The following CDH13 variants were observed in gnomAD, a reference collection of about 807,000 sequenced individuals.
The protein encoded by CDH13 is cadherin 13.
CDH13 carries 24 observed loss-of-function variants against 63.8 expected under a neutral mutation model. That is an observed-to-expected ratio of 0.38 (90% CI 0.27 to 0.53). The LOEUF is 0.53. Ranked by LOEUF, CDH13 falls within the 20% of genes least tolerant of loss-of-function variation. CDH13 has a pLI of 0.85. For synonymous variants in CDH13, 503 were observed against 355.3 expected, an observed-to-expected ratio of 1.42 and a Z score of -4.67; for missense variants, 1,049 against 903.1, an observed-to-expected ratio of 1.16 and a Z score of -2.07.
At chr16:82,756,710 G>T (rs1341543183) in intron 1 of CDH13, among the ~76,000 whole-genome samples, 2 of 152,138 alleles carry the variant, frequency 1.3e-5, no homozygotes, top group African/African-American at 2.4e-5. Flanking sequence ...CCCTGAGGAG[G>T]AAACAGAGAA....
intron 1 of CDH13, among the ~76,000 whole-genome samples, chr16:82,732,267 G>A (rs182341095): frequency 1.8e-4 from 28 of 151,884 alleles, no homozygotes; most frequent in African/African-American, 6.8e-4. Flanking sequence ...ACTGAATTGT[G>A]ATTTAAAAAA....
chr16:83,459,967 G>C (rs767509609), intron 6 of CDH13, among the ~76,000 whole-genome samples: 10 of 152,170 alleles, frequency 6.6e-5, no homozygotes, highest in Non-Finnish European at 1.3e-4. Flanking sequence ...AAAAGGTAGA[G>C]ATTGAAGACG....
At chr16:83,173,860 T>C (rs2038019995) in intron 4 of CDH13, among the ~76,000 whole-genome samples, 1 of 152,052 alleles carries the variant, frequency 6.6e-6, no homozygotes, top group African/African-American at 2.4e-5. Flanking sequence ...TCTGCCACCC[T>C]GGGGTTCCTA....
rs148975686 is a variant in CDH13, at chr16:83,423,478, A to G, written c.782-62999A>G. On this transcript the variant is annotated intron_variant, in intron 6 of 13. Coordinates refer to ENST00000567109, the MANE Select transcript of CDH13 (RefSeq NM_001257.5). ...CTTTTAAACTGATTTCACAGAGGGT[A>G]TCCCTGACAGCATTTAAAAAAAAAA... Among the ~76,000 whole-genome samples the G allele has an allele frequency of 9.9e-3, 1,499 of 151,588 alleles. 11 individuals carry two copies. The highest frequency in any genetic ancestry group is 0.017 in the Middle Eastern group (5 of 292).
chr16:83,077,324 T>C (rs970311413), intron 3 of CDH13, among the ~76,000 whole-genome samples: 3 of 151,466 alleles, frequency 2.0e-5, no homozygotes, highest in Admixed American at 1.3e-4. Context: ...TCTGAGTAGT[T>C]GGAATTACAG....
rs375732608 is a variant in CDH13 at position 83,178,916 on chromosome 16, A to G, written c.484-38429A>G. 1.5e-4 allele frequency among the ~76,000 whole-genome samples: 23 copies of G among 152,354 alleles called. No homozygotes were observed. In the East Asian group the frequency reaches 3.1e-3, roughly 20 times the overall value. ...TTAAAGTTGCTTCTGGAAGTTACAT[A>G]GAGACGTGCAGTTAATTCCTGGAAC... On this transcript the variant is annotated intron_variant, in intron 4 of 13. Transcript: ENST00000567109.
chr16:82,910,168 T>C (rs1160385319), intron 2 of CDH13, among the ~76,000 whole-genome samples: 1 of 152,226 alleles, frequency 6.6e-6, no homozygotes, highest in Non-Finnish European at 1.5e-5. Context: ...AGAATCCTGC[T>C]GCTGACCTGC....
intron 6 of CDH13, among the ~76,000 whole-genome samples, chr16:83,441,620 G>C (rs1272126662): frequency 6.6e-6 from 1 of 152,174 alleles, no homozygotes; most frequent in South Asian, 2.1e-4. Context: ...CAAGCTGTGA[G>C]AAGCCCAGCT....
intron 8 of CDH13, among the ~76,000 whole-genome samples, chr16:83,609,973 C>T (rs907835028): frequency 7.9e-5 from 12 of 152,144 alleles, no homozygotes; most frequent in Admixed American, 2.0e-4. Flanking sequence ...TCATACAATA[C>T]GTGGTCCTTT....
intron 7 of CDH13, among the ~76,000 whole-genome samples, chr16:83,566,741 G>T (rs986489319): frequency 2.0e-4 from 31 of 152,154 alleles, no homozygotes; most frequent in African/African-American, 7.5e-4. Context: ...GTCATCACCT[G>T]TTCAGATAAT....
intron 2 of CDH13, among the ~76,000 whole-genome samples, chr16:82,957,795 G>A (rs1906348452): frequency 3.3e-5 from 5 of 152,196 alleles, no homozygotes; most frequent in Admixed American, 3.3e-4. Context: ...CCAATGATTA[G>A]CACTTAAGAA....
intron 2 of CDH13, among the ~76,000 whole-genome samples, chr16:82,893,142 C>G (rs1362012901): frequency 6.6e-6 from 1 of 152,188 alleles, no homozygotes; most frequent in African/African-American, 2.4e-5. Flanking sequence ...TGAAAGCAAA[C>G]AAACAAGCAA....
intron 2 of CDH13, among the ~76,000 whole-genome samples, chr16:82,971,840 A>C (rs1420968947): frequency 6.6e-6 from 1 of 152,160 alleles, no homozygotes; most frequent in African/African-American, 2.4e-5. Context: ...TGAGGGGGGA[A>C]GTATCTTTTG....
chr16:82,757,702 G>T (rs1313348887), intron 1 of CDH13, among the ~76,000 whole-genome samples: 1 of 150,142 alleles, frequency 6.7e-6, no homozygotes, highest in Admixed American at 6.6e-5. Flanking sequence ...GGAGCGCAGT[G>T]GTGCGATCTT....
At chr16:83,719,395 G>T (rs573691738) in intron 10 of CDH13, among the ~76,000 whole-genome samples, 1 of 152,208 alleles carries the variant, frequency 6.6e-6, no homozygotes, top group Admixed American at 6.5e-5. Context: ...CTAGGAGAGG[G>T]CGACATGGGG....
chr16:82,792,110 C>T (rs2036336913), intron 1 of CDH13, among the ~76,000 whole-genome samples: 1 of 152,154 alleles, frequency 6.6e-6, no homozygotes, highest in South Asian at 2.1e-4. Context: ...TAGAATATGG[C>T]ACCTTCCTTC....
chr16:83,017,389 A>G (rs1017175020), intron 2 of CDH13, among the ~76,000 whole-genome samples: 2 of 152,214 alleles, frequency 1.3e-5, no homozygotes, highest in Admixed American at 6.5e-5. Flanking sequence ...AAGCTGTAGA[A>G]TAACTTCGAA....
intron 6 of CDH13, among the ~76,000 whole-genome samples, chr16:83,484,482 A>G (rs1000058674): frequency 4.6e-5 from 7 of 152,258 alleles, no homozygotes; most frequent in African/African-American, 1.4e-4. Flanking sequence ...TGTGGTAGCA[A>G]TACAATTGCT....
chr16:82,987,763 C>T (rs72792121), intron 2 of CDH13, among the ~76,000 whole-genome samples: 14,247 of 152,278 alleles, frequency 0.094, 759 homozygotes, highest in African/African-American at 0.14. Context: ...GCAAGGAATT[C>T]CCTATGGCTG....
Sources: gnomAD v4.1 joint callset for allele counts (sites outside exome capture counted in the v4.1 genomes callset) on GRCh38, gnomAD v4.1.1 for gene constraint, MANE v1.5 for transcripts, NCBI Gene and HGNC (gene_info 2026-07-23, HGNC 2026-07-21) for gene names.